The following MYO16 variants were observed in gnomAD, a reference collection of about 807,000 sequenced individuals.
MYO16 encodes the protein unconventional myosin-XVI.
A neutral mutation model predicts 205.3 loss-of-function variants in MYO16; 94 were observed. The observed-to-expected ratio is 0.46, with a 90% CI of 0.39 to 0.54. MYO16 has a LOEUF of 0.54. MYO16 is among the 20% of genes least tolerant of loss of function. The pLI is 0.00. For synonymous variants in MYO16, 988 were observed against 954.0 expected (o/e 1.04, Z -0.66); for missense variants, 2,315 against 2,387.5 (o/e 0.97, Z 0.63).
At chr13:108,622,514 G>A (rs1049374444) in intron 1 of MYO16, among the ~76,000 whole-genome samples, 10 of 152,146 alleles carry the variant, frequency 6.6e-5, no homozygotes, top group African/African-American at 2.2e-4. Context: ...GGTTTCATTA[G>A]CCTCATGCAC....
At position 108,676,437 on chromosome 13, in the gene MYO16, A is replaced by G. The variant is rs112248202; in HGVS notation, c.292+10288A>G. Among the ~76,000 whole-genome samples, 4 of 149,230 alleles carry G rather than the reference A, an allele frequency of 2.7e-5. 1 individual carries two copies. The highest frequency in any genetic ancestry group is 2.1e-4 in the South Asian group (1 of 4,670). Reference sequence around the variant, plus strand: ...CCATCTCTCTAAACACTTTATACATATTGTCTCATTTAATCTGAAAAGAAT... The same window carrying G: ...CCATCTCTCTAAACACTTTATACATGTTGTCTCATTTAATCTGAAAAGAAT... On this transcript the variant is annotated intron_variant, in intron 2 of 34. Coordinates refer to ENST00000457511, the MANE Select transcript of MYO16 (RefSeq NM_001198950.3).
At chr13:109,092,796 A>G (rs1346975471) in intron 27 of MYO16, among the ~76,000 whole-genome samples, 2 of 152,246 alleles carry the variant, frequency 1.3e-5, no homozygotes, top group East Asian at 3.8e-4. Flanking sequence ...CTCTAGGTCC[A>G]TGATACATAG....
At position 109,140,468 on chromosome 13, in the gene MYO16, C is replaced by A; in HGVS notation, c.4256C>A (p.Pro1419His). The change falls in exon 32 of 35, where the codon CCC becomes CAC. Residue 1419 changes from proline (P) to histidine (H), a missense_variant. By Grantham distance (77) the Pro-to-His change is moderately conservative. Around this residue, in one of 3 missense-constraint regions of MYO16, gnomAD observed 1,097 missense variants for 1,092.0 expected, o/e 1.00. Transcript: ENST00000457511. The surrounding 1 kb of genome is among the most constrained non-coding windows in gnomAD (Gnocchi z 8.0). ...CCCGGGACTCCGCAGTGCGCGCTGC[C>A]CCCGGCGGCGCCTCCGGGTGACGAG... Reference protein sequence around the residue: ...LTPGTPQCALPPAAPPGDEDD... With the variant: ...LTPGTPQCALHPAAPPGDEDD... The A allele has an allele frequency of 6.5e-7, 1 of 1,537,530 alleles. No homozygotes were observed. Among genetic ancestry groups the A allele is most frequent in the African/African-American group, 1.4e-5 (1 of 70,822 alleles).
At chr13:108,580,748 T>C in the MYO16 span, among the ~76,000 whole-genome samples, 1 of 152,240 alleles carries the variant, frequency 6.6e-6, no homozygotes. Context: ...CCAGTGGCTG[T>C]CTGTGCTGGG....
Position 109,140,160 on chromosome 13 carries a change from T to TCTCGGGG in MYO16, c.4052-102_4052-96dup. 4.0e-6 allele frequency: 6 copies of TCTCGGGG among 1,508,776 alleles called. No homozygotes were observed. The South Asian group carries it at 7.7e-5, about 19-fold the overall frequency. 93.5% of individuals were successfully genotyped at this position (1,508,776 alleles called of 1,614,324 possible). On this transcript the variant is annotated intron_variant, in intron 31 of 34. Transcript: ENST00000457511. The surrounding 1 kb of genome is among the most constrained non-coding windows in gnomAD (Gnocchi z 8.0). ...ACATGCAGGCCCGGTCCCTTGGGATTCTCGGGGCACGGGGCCGTGGCTCCC... is the reference window on the plus strand; with the variant it reads ...ACATGCAGGCCCGGTCCCTTGGGATTCTCGGGGCTCGGGGCACGGGGCCGTGGCTCCC...
chr13:108,592,297 T>C (rs1390244637), upstream of MYO16, among the ~76,000 whole-genome samples: 3 of 84,020 alleles, frequency 3.6e-5, no homozygotes, highest in African/African-American at 4.9e-5. Context: ...GTGTGGAGTG[T>C]GTCCGGGAGT....
intron 4 of MYO16, among the ~76,000 whole-genome samples, chr13:108,756,732 T>C (rs947383850): frequency 6.6e-6 from 1 of 152,170 alleles, no homozygotes; most frequent in African/African-American, 2.4e-5. Flanking sequence ...GATGAGGGTA[T>C]TCTGTACTCA....
intron 20 of MYO16, among the ~76,000 whole-genome samples, chr13:108,979,743 A>C (rs191566569): frequency 6.6e-6 from 1 of 152,188 alleles, no homozygotes; most frequent in Admixed American, 6.5e-5. Flanking sequence ...GCAATTGTGC[A>C]TTTGTTTTTT....
At chr13:109,179,773 G>T in intron 34 of MYO16, 140 bp downstream of exon 34, 2 of 597,948 alleles carry the variant, frequency 3.3e-6, no homozygotes, top group South Asian at 4.6e-5. Flanking sequence ...CACTCCTTCA[G>T]CTGAATGGTC....
rs1043655754 is a variant in MYO16 at position 108,641,098 on chromosome 13, C to T, written c.28+11226C>T. The stretch of plus-strand genomic sequence containing the variant: ...AAGAGGTCACTGTTGAAATTTCAGT[C>T]AATATGTCATCTCCACATATATTTG... On this transcript the variant is annotated intron_variant, in intron 1 of 34. Transcript: ENST00000457511. Among the ~76,000 whole-genome samples, 54 of 152,286 alleles carry T rather than the reference C, an allele frequency of 3.5e-4. No homozygotes were observed. In the Middle Eastern group the frequency reaches 0.01, roughly 29 times the overall value.
intron 1 of MYO16, among the ~76,000 whole-genome samples, chr13:108,613,448 G>T (rs939220885): frequency 6.6e-6 from 1 of 151,940 alleles, no homozygotes; most frequent in African/African-American, 2.4e-5. Flanking sequence ...CCTTTTATGT[G>T]TAAGAAGCCA....
intron 23 of MYO16, among the ~76,000 whole-genome samples, chr13:109,044,763 C>T (rs1389189234): frequency 6.6e-6 from 1 of 152,186 alleles, no homozygotes; most frequent in Non-Finnish European, 1.5e-5. Flanking sequence ...AATCTCAGCT[C>T]ACTGCAGCTT....
chr13:108,558,984 A>AT, the MYO16 span, among the ~76,000 whole-genome samples: 78,276 of 146,454 alleles, frequency 0.53, 20,509 homozygotes, highest in African/African-American at 0.56. Context: ...TGAGATGTTG[A>AT]TTTTTTTTTT....
chr13:108,603,756 C>A (rs1016333772), intron 1 of MYO16, among the ~76,000 whole-genome samples: 4 of 151,554 alleles, frequency 2.6e-5, no homozygotes. Flanking sequence ...CCTGTTACAG[C>A]TGACACATAT....
At position 109,207,157 on chromosome 13, in the gene MYO16, G is replaced by A. The variant is rs1880637830; in HGVS notation, c.*321G>A. The A allele has an allele frequency of 1.9e-5, 6 of 316,170 alleles. No individual in the cohort carries two copies. In the East Asian group the frequency reaches 4.1e-4, roughly 21 times the overall value. The allele number at this position is 316,170 out of a possible 1,614,324, so 19.6% of individuals were successfully genotyped here. A position where few individuals can be genotyped will look rare whatever the true frequency, so the allele number is the denominator to read the frequency against. On this transcript the variant is annotated 3_prime_UTR_variant, in exon 35 of 35. Transcript: ENST00000457511. ...TGGCCAGAGCGAGAGAGTAGCGGAG[G>A]AAAGGAGCAATCCATGCACACTCTG...
chr13:108,544,146 ATTTACTG>A, the MYO16 span, among the ~76,000 whole-genome samples: 1 of 150,378 alleles, frequency 6.6e-6, no homozygotes, highest in South Asian at 2.1e-4. Context: ...GATGTTAGAT[ATTTACTG>A]TTTTTAAGCT....
intron 32 of MYO16, among the ~76,000 whole-genome samples, chr13:109,152,974 G>A (rs1212219953): frequency 1.3e-5 from 2 of 152,120 alleles, no homozygotes; most frequent in Admixed American, 6.5e-5. Context: ...ATGAAATGTG[G>A]GCTCTCTCTT....
intron 1 of MYO16, among the ~76,000 whole-genome samples, chr13:108,658,565 T>G (rs2139417961): frequency 6.6e-6 from 1 of 152,266 alleles, no homozygotes; most frequent in East Asian, 1.9e-4. Flanking sequence ...TGCTTTAGTT[T>G]TATCCACAAA....
intron 12 of MYO16, among the ~76,000 whole-genome samples, chr13:108,872,930 C>T (rs898460624): frequency 1.1e-4 from 16 of 152,098 alleles, no homozygotes; most frequent in African/African-American, 3.9e-4. Flanking sequence ...ATAGTTTGTG[C>T]TCTCCTTGCC....
Sources: allele counts gnomAD v4.1 joint callset (sites outside exome capture counted in the v4.1 genomes callset), GRCh38; gene constraint gnomAD v4.1.1; regional missense constraint gnomAD v4.1.1; non-coding constraint Gnocchi (gnomAD v3.1); transcripts MANE v1.5; gene names NCBI Gene and HGNC (gene_info 2026-07-23, HGNC 2026-07-21).